Variants in IFT80 observed in about 807,000 individuals in gnomAD.
IFT80 encodes intraflagellar transport 80, also known as intraflagellar transport protein 80 homolog.
Under a neutral mutation model 107.9 loss-of-function variants are expected in IFT80, and 79 were observed. The observed-to-expected ratio is 0.73, with a 90% CI of 0.61 to 0.88. The LOEUF is 0.88. IFT80 is among the 40% of genes least tolerant of loss of function. The probability of loss-of-function intolerance (pLI) is 0.00; values close to 1 mark genes in which losing one functional copy is unlikely to be tolerated. For synonymous variants in IFT80, 299 were observed against 300.9 expected (o/e 0.99, Z 0.07); for missense variants, 797 against 914.2 (o/e 0.87, Z 1.65).
intron 5 of IFT80, among the ~76,000 whole-genome samples, chr3:160,375,293 A>C (rs988267566): frequency 3.9e-5 from 6 of 152,146 alleles, no homozygotes; most frequent in African/African-American, 1.4e-4. Context: ...CCTTTCTATT[A>C]ACATAAAAAA....
At position 160,279,189 on chromosome 3, in the gene IFT80, T is replaced by C. The variant is rs1429446530; in HGVS notation, c.1836+4A>G. 6.2e-7 allele frequency: 1 copy of C among 1,609,996 alleles called. No homozygotes were observed. The highest frequency in any genetic ancestry group is 8.5e-7 in the Non-Finnish European group (1 of 1,176,558). ...TACAACTATGAATCTAAAATGTAAATTACCTTAACAAAGCGACAAAGTCTC... is the reference window on the plus strand; with the variant it reads ...TACAACTATGAATCTAAAATGTAAACTACCTTAACAAAGCGACAAAGTCTC... On this transcript the variant is annotated splice_donor_region_variant and intron_variant, in intron 16 of 19. Coordinates refer to ENST00000326448, the MANE Select transcript of IFT80 (RefSeq NM_020800.3).
intron 1 of IFT80, among the ~76,000 whole-genome samples, chr3:160,386,495 A>G (rs1016092163): frequency 4.6e-5 from 7 of 152,182 alleles, no homozygotes; most frequent in Non-Finnish European, 8.8e-5. Flanking sequence ...TTACATAGGG[A>G]GCAAGTAGCA....
chr3:160,274,927 C>A (rs76773422), intron 18 of IFT80, among the ~76,000 whole-genome samples: 5,323 of 152,230 alleles, frequency 0.035, 326 homozygotes, highest in African/African-American at 0.12. Flanking sequence ...CTCAAAAAAA[C>A]CAAAATGATA....
At chr3:160,258,960 T>C (rs945700164) in intron 19 of IFT80, among the ~76,000 whole-genome samples, 4 of 151,854 alleles carry the variant, frequency 2.6e-5, no homozygotes, top group African/African-American at 9.7e-5. Flanking sequence ...ATAAAAAAAG[T>C]AGCTGGGTGT....
At chr3:160,286,289 T>C (rs1446021734) in intron 12 of IFT80, among the ~76,000 whole-genome samples, 2 of 152,166 alleles carry the variant, frequency 1.3e-5, no homozygotes, top group African/African-American at 4.8e-5. Context: ...GGCATACAAA[T>C]TTATTAGCTT....
intron 12 of IFT80, 45 bp downstream of exon 12, chr3:160,300,838 A>C: frequency 2.0e-6 from 3 of 1,487,464 alleles, no homozygotes; most frequent in Non-Finnish European, 9.2e-7. Flanking sequence ...TTATAGTGTT[A>C]ACAAATTTCA....
chr3:160,364,205 C>T (rs1399689752), intron 6 of IFT80, among the ~76,000 whole-genome samples: 7 of 152,254 alleles, frequency 4.6e-5, no homozygotes, highest in South Asian at 2.1e-4. Flanking sequence ...TATGAACAGA[C>T]GCTTCTCAAA....
At chr3:160,303,781 C>T in intron 11 of IFT80, 134 bp downstream of exon 11, 1 of 627,148 alleles carries the variant, frequency 1.6e-6, no homozygotes, top group African/African-American at 1.8e-5. Context: ...TCTTTTTCTT[C>T]TAAAATGTAA....
chr3:160,315,632 T>C (rs1717762320), intron 9 of IFT80, among the ~76,000 whole-genome samples: 2 of 152,202 alleles, frequency 1.3e-5, no homozygotes, highest in Admixed American at 1.3e-4. Flanking sequence ...TATAAATGGG[T>C]AATCACTGTG....
chr3:160,370,604 G>T (rs1722168217), intron 5 of IFT80, among the ~76,000 whole-genome samples: 1 of 151,558 alleles, frequency 6.6e-6, no homozygotes. Flanking sequence ...TCCCTTGGGG[G>T]GTCTCAACTT....
intron 9 of IFT80, among the ~76,000 whole-genome samples, chr3:160,308,944 A>G (rs993626186): frequency 6.6e-6 from 1 of 152,204 alleles, no homozygotes; most frequent in African/African-American, 2.4e-5. Context: ...GCAAGAAGGC[A>G]CCATATATGA....
chr3:160,315,978 A>G (rs1423301692), intron 9 of IFT80, among the ~76,000 whole-genome samples: 1 of 152,174 alleles, frequency 6.6e-6, no homozygotes, highest in Non-Finnish European at 1.5e-5. Flanking sequence ...GTGACTCCCA[A>G]TGATCCCTGC....
chr3:160,354,603 A>G (rs1233832934), intron 8 of IFT80, among the ~76,000 whole-genome samples: 1 of 152,158 alleles, frequency 6.6e-6, no homozygotes, highest in Non-Finnish European at 1.5e-5. Context: ...CAGTGAGCTG[A>G]GACCGCACCA....
At chr3:160,381,967 C>T (rs548258216) in intron 2 of IFT80, among the ~76,000 whole-genome samples, 4 of 152,136 alleles carry the variant, frequency 2.6e-5, no homozygotes, top group Admixed American at 1.3e-4. Context: ...GAGAAAAGAT[C>T]TGACCACATG....
intron 19 of IFT80, among the ~76,000 whole-genome samples, chr3:160,265,941 G>A (rs6787795): frequency 0.043 from 6,525 of 152,128 alleles, 491 homozygotes; most frequent in African/African-American, 0.15. Flanking sequence ...AGACTTAAAT[G>A]AAACCAAAAG....
At chr3:160,327,860 C>T (rs965781178) in intron 8 of IFT80, among the ~76,000 whole-genome samples, 7 of 152,094 alleles carry the variant, frequency 4.6e-5, no homozygotes, top group African/African-American at 1.4e-4. Flanking sequence ...AACTAAAGAA[C>T]TTCTGCATAG....
intron 3 of IFT80, among the ~76,000 whole-genome samples, chr3:160,381,265 T>TATA (rs1559971346): frequency 5.2e-5 from 7 of 135,292 alleles, no homozygotes; most frequent in Non-Finnish European, 8.1e-5. Flanking sequence ...TATATATATA[T>TATA]TAAAGCCAAA....
chr3:160,262,044 G>T (rs912989833), intron 19 of IFT80, among the ~76,000 whole-genome samples: 2 of 151,854 alleles, frequency 1.3e-5, no homozygotes, highest in African/African-American at 4.8e-5. Context: ...CCTATATTCT[G>T]CTCCCTAGAC....
intron 8 of IFT80, among the ~76,000 whole-genome samples, chr3:160,332,082 T>C: frequency 6.6e-6 from 1 of 152,190 alleles, no homozygotes; most frequent in East Asian, 1.9e-4. Context: ...CTTTATTTCC[T>C]GTAAATTAGT....
Sources: gnomAD v4.1 joint callset for allele counts (sites outside exome capture counted in the v4.1 genomes callset) on GRCh38, gnomAD v4.1.1 for gene constraint, MANE v1.5 for transcripts, NCBI Gene and HGNC (gene_info 2026-07-23, HGNC 2026-07-21) for gene names.